Variants in LRP1B observed in about 807,000 individuals in gnomAD.
LRP1B encodes the protein low-density lipoprotein receptor-related protein 1B.
A neutral mutation model predicts 556.6 loss-of-function variants in LRP1B; 217 were observed. The ratio of observed to expected loss-of-function variants is 0.39; its 90% confidence interval spans 0.35 to 0.44. LRP1B has a LOEUF of 0.44. Ranked by LOEUF, LRP1B falls within the 20% of genes least tolerant of loss-of-function variation. LRP1B has a pLI of 1.00. For synonymous variants in LRP1B, 2,047 were observed against 1,865.8 expected, an observed-to-expected ratio of 1.10 and a Z score of -2.50; for missense variants, 5,053 against 5,620.8, an observed-to-expected ratio of 0.90 and a Z score of 3.23.
chr2:141,444,056 A>G (rs1681088147), intron 3 of LRP1B, among the ~76,000 whole-genome samples: 1 of 152,060 alleles, frequency 6.6e-6, no homozygotes, highest in African/African-American at 2.4e-5. Context: ...GATTCTTCCT[A>G]TCCATGAGCA....
In LRP1B at chr2:140,516,978, A is replaced by G. The variant is rs761101203; in HGVS notation, c.8060T>C (p.Phe2687Ser). ...QNKHKCEENY[F>S]SCPSGRCILN... The stretch of plus-strand genomic sequence containing the variant: ...AATGCATCTTCCACTAGGACAACTA[A>G]AATAATTTTCTTCACATTTGTGTTT... The change falls in exon 50 of 91, where the codon TTT becomes TCT. Residue 2687 changes from phenylalanine (F) to serine (S), a missense_variant. Transcript: ENST00000389484. 3.8e-6 allele frequency: 6 copies of G among 1,599,038 alleles called. No individual in the cohort carries two copies. The highest frequency in any genetic ancestry group is 5.1e-6 in the Non-Finnish European group (6 of 1,166,424).
At chr2:140,388,420 A>T (rs996467678) in intron 66 of LRP1B, among the ~76,000 whole-genome samples, 2 of 151,268 alleles carry the variant, frequency 1.3e-5, no homozygotes, top group African/African-American at 2.4e-5. Context: ...TATGTTTTAT[A>T]TTTTTTTTTC....
intron 7 of LRP1B, among the ~76,000 whole-genome samples, chr2:141,105,030 T>A (rs1365105465): frequency 2.7e-5 from 4 of 149,880 alleles, no homozygotes; most frequent in South Asian, 2.1e-4. Context: ...AAATAAATAA[T>A]AAATAAATAA....
chr2:140,291,564 G>A (rs1010652942), intron 84 of LRP1B, among the ~76,000 whole-genome samples: 1 of 151,536 alleles, frequency 6.6e-6, no homozygotes, highest in Non-Finnish European at 1.5e-5. Flanking sequence ...TGCAGCGTTT[G>A]GTTTCTTGTC....
At chr2:140,538,749 A>AT (rs1680024231) in intron 45 of LRP1B, among the ~76,000 whole-genome samples, 1 of 152,114 alleles carries the variant, frequency 6.6e-6, no homozygotes, top group South Asian at 2.1e-4. Context: ...ACTTCTTGAA[A>AT]GTCTATTGAG....
chr2:140,278,463 T>G (rs1682779462), intron 84 of LRP1B, among the ~76,000 whole-genome samples: 2 of 152,016 alleles, frequency 1.3e-5, no homozygotes, highest in African/African-American at 2.4e-5. Context: ...TAAATAGTTT[T>G]TCTCTTTGTA....
intron 7 of LRP1B, among the ~76,000 whole-genome samples, chr2:141,114,187 C>A (rs544925272): frequency 6.6e-6 from 1 of 152,322 alleles, no homozygotes; most frequent in African/African-American, 2.4e-5. Flanking sequence ...GCCAGGGCAA[C>A]CTCTTTTGGG....
At chr2:140,358,361 G>A (rs1390022379) in intron 73 of LRP1B, among the ~76,000 whole-genome samples, 1 of 151,592 alleles carries the variant, frequency 6.6e-6, no homozygotes, top group Non-Finnish European at 1.5e-5. Context: ...TTTACCCTAA[G>A]TGTAATTTTT....
intron 49 of LRP1B, among the ~76,000 whole-genome samples, chr2:140,525,087 C>A (rs1351734319): frequency 6.6e-6 from 1 of 151,732 alleles, no homozygotes; most frequent in East Asian, 1.9e-4. Context: ...AATATAATTT[C>A]TTAAAATTGT....
intron 1 of LRP1B, among the ~76,000 whole-genome samples, chr2:142,057,769 C>T (rs138162480): frequency 1.3e-5 from 2 of 152,080 alleles, no homozygotes; most frequent in African/African-American, 4.8e-5. Context: ...CGCCTTAAAC[C>T]TTTTGCCTAA....
intron 41 of LRP1B, among the ~76,000 whole-genome samples, chr2:140,647,362 T>A (rs1380546522): frequency 6.6e-6 from 1 of 152,238 alleles, no homozygotes; most frequent in African/African-American, 2.4e-5. Flanking sequence ...TCTTATTTTT[T>A]ATATATTTTA....
At position 140,577,341 on chromosome 2, in the gene LRP1B, G is replaced by A. The variant is rs1681565717; in HGVS notation, c.7194+21290C>T. 1.2e-4 allele frequency among the ~76,000 whole-genome samples: 18 copies of A among 152,036 alleles called. 1 individual carries two copies. In the South Asian group the frequency reaches 3.7e-3, roughly 32 times the overall value. On this transcript the variant is annotated intron_variant, in intron 43 of 90. Coordinates refer to ENST00000389484, the MANE Select transcript of LRP1B (RefSeq NM_018557.3). ...CTACTAAAGATACAAAAATTAGCTGGGCCTGGTGGTGCGCACCTGTAGTCC... is the reference window on the plus strand; with the variant it reads ...CTACTAAAGATACAAAAATTAGCTGAGCCTGGTGGTGCGCACCTGTAGTCC...
intron 2 of LRP1B, among the ~76,000 whole-genome samples, chr2:141,781,073 A>T (rs1574352396): frequency 6.6e-6 from 1 of 152,138 alleles, no homozygotes; most frequent in East Asian, 1.9e-4. Flanking sequence ...GCACTTGTAG[A>T]GAGGAAAGCA....
At chr2:140,525,717 T>A in intron 49 of LRP1B, 127 bp downstream of exon 49, 1 of 775,018 alleles carries the variant, frequency 1.3e-6, no homozygotes, top group Non-Finnish European at 2.0e-6. Context: ...CATTTCAGTC[T>A]GTGCCATTTA....
intron 37 of LRP1B, among the ~76,000 whole-genome samples, chr2:140,710,828 T>C (rs1687006253): frequency 6.6e-6 from 1 of 152,098 alleles, no homozygotes; most frequent in East Asian, 1.9e-4. Flanking sequence ...TAGAAACTCC[T>C]GTGTAACAAC....
At chr2:140,263,249 C>T (rs762149659) in intron 86 of LRP1B, among the ~76,000 whole-genome samples, 10 of 152,028 alleles carry the variant, frequency 6.6e-5, no homozygotes, top group East Asian at 3.9e-4. Flanking sequence ...ACTGGCCACC[C>T]GTGGATCTTC....
intron 2 of LRP1B, among the ~76,000 whole-genome samples, chr2:141,546,585 C>G (rs971496587): frequency 6.6e-6 from 1 of 152,160 alleles, no homozygotes; most frequent in Non-Finnish European, 1.5e-5. Context: ...AACCTAAACA[C>G]GTATTGAGTA....
intron 49 of LRP1B, among the ~76,000 whole-genome samples, chr2:140,522,504 C>T (rs533398738): frequency 3.3e-5 from 5 of 151,454 alleles, no homozygotes; most frequent in African/African-American, 9.7e-5. Context: ...TCTGACTGCA[C>T]CTAAACGAAC....
At chr2:140,869,308 C>T (rs567377157) in intron 25 of LRP1B, among the ~76,000 whole-genome samples, 48 of 152,108 alleles carry the variant, frequency 3.2e-4, no homozygotes, top group Admixed American at 1.4e-3. Flanking sequence ...GCCTGGAGTT[C>T]GCTGAACTGC....
Sources: allele counts gnomAD v4.1 joint callset (sites outside exome capture counted in the v4.1 genomes callset), GRCh38; gene constraint gnomAD v4.1.1; transcripts MANE v1.5; gene names NCBI Gene and HGNC (gene_info 2026-07-23, HGNC 2026-07-21).